ROBO2: variants seen among roughly 807,000 people sequenced by gnomAD.
The protein encoded by ROBO2 is roundabout homolog 2.
A neutral mutation model predicts 160.8 loss-of-function variants in ROBO2; 53 were observed. That is an observed-to-expected ratio of 0.33 (90% CI 0.26 to 0.41). ROBO2 has a LOEUF of 0.41. Ranked by LOEUF, ROBO2 falls within the 10% of genes least tolerant of loss-of-function variation. The pLI, the probability that ROBO2 is intolerant of heterozygous loss-of-function variation, is 1.00. For missense variants in ROBO2, 1,577 were observed against 1,722.4 expected (o/e 0.92, Z 1.49); for synonymous variants, 664 against 611.7 (o/e 1.09, Z -1.26).
chr3:77,371,097 C>G (rs575722523), intron 2 of ROBO2, among the ~76,000 whole-genome samples: 2 of 152,260 alleles, frequency 1.3e-5, no homozygotes, highest in South Asian at 4.1e-4. Context: ...TTTATATTGA[C>G]AATCTTGAAA....
intron 2 of ROBO2, among the ~76,000 whole-genome samples, chr3:77,372,490 T>A (rs1222863146): frequency 6.6e-6 from 1 of 152,168 alleles, no homozygotes; most frequent in Non-Finnish European, 1.5e-5. Context: ...TGAAAATTTT[T>A]AATCTCTCAG....
chr3:76,718,982 G>C (rs957861367), intron 2 of ROBO2, among the ~76,000 whole-genome samples: 7 of 151,824 alleles, frequency 4.6e-5, no homozygotes, highest in Non-Finnish European at 1.0e-4. Context: ...TTCAAGCTTT[G>C]GTTCTTTTGA....
intron 2 of ROBO2, among the ~76,000 whole-genome samples, chr3:76,894,840 T>C (rs139637949): frequency 4.2e-3 from 633 of 152,258 alleles, no homozygotes; most frequent in African/African-American, 0.014. Flanking sequence ...AATTCAACTG[T>C]ATTAACTCAA....
At chr3:77,213,431 T>G (rs2084466836) in intron 2 of ROBO2, among the ~76,000 whole-genome samples, 1 of 152,174 alleles carries the variant, frequency 6.6e-6, no homozygotes, top group Non-Finnish European at 1.5e-5. Context: ...GATATCCCCT[T>G]TATCATTTTT....
intron 2 of ROBO2, among the ~76,000 whole-genome samples, chr3:76,556,333 C>G (rs1439571385): frequency 6.6e-6 from 1 of 151,972 alleles, no homozygotes; most frequent in Non-Finnish European, 1.5e-5. Flanking sequence ...GCTCTGAAGC[C>G]TCAGAAGGGA....
At chr3:76,095,731 A>C (rs931640517) in intron 2 of ROBO2, among the ~76,000 whole-genome samples, 8 of 150,318 alleles carry the variant, frequency 5.3e-5, no homozygotes, top group Admixed American at 2.0e-4. Context: ...AATTATATAC[A>C]AGACACATAG....
chr3:76,373,317 C>A (rs921657976), intron 2 of ROBO2, among the ~76,000 whole-genome samples: 1 of 151,876 alleles, frequency 6.6e-6, no homozygotes, highest in African/African-American at 2.4e-5. Flanking sequence ...TTGTTTAATT[C>A]TTTTATTTAG....
chr3:76,808,834 T>C (rs1477090996), intron 2 of ROBO2, among the ~76,000 whole-genome samples: 1 of 152,026 alleles, frequency 6.6e-6, no homozygotes, highest in African/African-American at 2.4e-5. Flanking sequence ...TTTTCAGTGA[T>C]TGGGGAATGA....
chr3:77,060,157 G>T (rs1189886072), intron 1 of ROBO2, among the ~76,000 whole-genome samples: 1 of 152,172 alleles, frequency 6.6e-6, no homozygotes, highest in Non-Finnish European at 1.5e-5. Flanking sequence ...TTCCTGGTTT[G>T]CAGTTTGAGT....
At chr3:76,373,458 A>C (rs1024402236) in intron 2 of ROBO2, among the ~76,000 whole-genome samples, 12 of 151,982 alleles carry the variant, frequency 7.9e-5, no homozygotes, top group African/African-American at 2.7e-4. Context: ...GGACAGTTTC[A>C]TGGACACTCT....
In ROBO2 at chr3:76,113,102, TAAAG is replaced by T. The variant is rs148984640; in HGVS notation, c.109+175503_109+175506del. ...TTCCAGGTTGCTATATTTATAGACT[TAAAG>T]AATGAGAGATAAGAAGATGAGAAAT... On this transcript the variant is annotated intron_variant, in intron 2 of 26. Coordinates refer to the ROBO2 transcript ENST00000487694. Among the ~76,000 whole-genome samples the T allele has an allele frequency of 2.9e-3, 439 of 152,158 alleles. 4 individuals are homozygous for T. Among genetic ancestry groups the T allele is most frequent in the African/African-American group, 9.4e-3 (392 of 41,564 alleles).
At chr3:77,029,977 G>T (rs1384254810) in intron 2 of ROBO2, among the ~76,000 whole-genome samples, 8 of 149,160 alleles carry the variant, frequency 5.4e-5, no homozygotes, top group African/African-American at 1.7e-4. Flanking sequence ...ACAGAGTCTC[G>T]CTCTGTCGCC....
intron 2 of ROBO2, among the ~76,000 whole-genome samples, chr3:76,624,948 T>C (rs1349145167): frequency 7.9e-5 from 12 of 151,862 alleles, no homozygotes; most frequent in Non-Finnish European, 1.5e-5. Context: ...AATTGTAATA[T>C]TTGGGGGTTT....
At chr3:76,934,740 T>TCAAAAA (rs59414590) in intron 2 of ROBO2, among the ~76,000 whole-genome samples, 71,992 of 150,650 alleles carry the variant, frequency 0.48, 18,040 homozygotes, top group African/African-American at 0.64. Context: ...AGACTCCATC[T>TCAAAAA]CAAAAACAAA....
chr3:76,637,082 G>A (rs2090383657), intron 2 of ROBO2, among the ~76,000 whole-genome samples: 1 of 152,028 alleles, frequency 6.6e-6, no homozygotes, highest in Non-Finnish European at 1.5e-5. Context: ...TAAATGGGGG[G>A]CCTTAGGGTG....
At chr3:76,798,929 T>C (rs1335869517) in intron 2 of ROBO2, among the ~76,000 whole-genome samples, 3 of 150,212 alleles carry the variant, frequency 2.0e-5, no homozygotes, top group Admixed American at 2.0e-4. Flanking sequence ...ACCCTGGATA[T>C]AGCAGGAACA....
intron 2 of ROBO2, among the ~76,000 whole-genome samples, chr3:77,113,383 G>A (rs1383055381): frequency 6.6e-6 from 1 of 152,228 alleles, no homozygotes; most frequent in African/African-American, 2.4e-5. Context: ...CTATAAAGGG[G>A]TCAACTTGTG....
At chr3:76,849,957 T>G (rs62261826) in intron 2 of ROBO2, among the ~76,000 whole-genome samples, 19,399 of 152,014 alleles carry the variant, frequency 0.13, 1,374 homozygotes, top group East Asian at 0.24. Flanking sequence ...GAGGCCAAGG[T>G]GGGTGGATCA....
intron 2 of ROBO2, among the ~76,000 whole-genome samples, chr3:76,185,189 A>G (rs1701685462): frequency 1.4e-4 from 1 of 7,282 alleles, no homozygotes; most frequent in Non-Finnish European, 5.6e-4. Context: ...TCTATAAGTA[A>G]ACACAGATAT....
Sources: allele counts gnomAD v4.1 joint callset (sites outside exome capture counted in the v4.1 genomes callset), GRCh38; gene constraint gnomAD v4.1.1; transcripts MANE v1.5; gene names NCBI Gene and HGNC (gene_info 2026-07-23, HGNC 2026-07-21).